PC: variants seen among roughly 807,000 people sequenced by gnomAD.
PC encodes the protein pyruvate carboxylase, mitochondrial.
Under a neutral mutation model 107.8 loss-of-function variants are expected in PC, and 46 were observed. The observed-to-expected ratio is 0.43, with a 90% CI of 0.34 to 0.55. PC has a LOEUF of 0.55. Among genes scored for constraint, PC ranks in the 20% least tolerant of loss-of-function variants. The pLI, the probability that PC is intolerant of heterozygous loss-of-function variation, is 0.04. For missense variants in PC, 1,241 were observed against 1,643.1 expected (o/e 0.76, Z 4.23); for synonymous variants, 662 against 684.7 (o/e 0.97, Z 0.52).
At chr11:66,880,507 G>A (rs1032801272) in intron 3 of PC, among the ~76,000 whole-genome samples, 2 of 152,162 alleles carry the variant, frequency 1.3e-5, no homozygotes, top group East Asian at 1.9e-4. Flanking sequence ...GGTGGGAGAC[G>A]GCCTTCCTGA....
At chr11:66,922,427 A>G (rs1383571594) in intron 3 of PC, among the ~76,000 whole-genome samples, 1 of 151,914 alleles carries the variant, frequency 6.6e-6, no homozygotes, top group Non-Finnish European at 1.5e-5. Flanking sequence ...ATACAAAATT[A>G]GCTGGGCGTG....
chr11:66,870,705 G>C lies in PC; in HGVS notation c.751+70C>G, dbSNP rs1001489413. On this transcript the variant is annotated intron_variant, in intron 8 of 22. Transcript: ENST00000393960. The surrounding 1 kb of genome is among the most constrained non-coding windows in gnomAD (Gnocchi z 6.1). ...GGCTGTCCCCAAGGCCAGCCACTGT[G>C]ACGGCACCAGGACTGGGCCTCTCAG... 13 of 1,445,066 alleles carry C rather than the reference G, an allele frequency of 9.0e-6. No homozygotes were observed. In the African/African-American group the frequency reaches 1.3e-4, roughly 14 times the overall value. 89.5% of individuals were successfully genotyped at this position (1,445,066 alleles called of 1,614,324 possible). A position where few individuals can be genotyped will look rare whatever the true frequency, so the allele number is the denominator to read the frequency against.
At chr11:66,884,106 T>C (rs1947276567) in intron 3 of PC, among the ~76,000 whole-genome samples, 1 of 152,010 alleles carries the variant, frequency 6.6e-6, no homozygotes, top group South Asian at 2.1e-4. Context: ...TAGCCGGGCA[T>C]GGTGGCACAC....
intron 12 of PC, among the ~76,000 whole-genome samples, chr11:66,861,290 C>T (rs529858071): frequency 2.6e-5 from 4 of 152,314 alleles, no homozygotes; most frequent in South Asian, 2.1e-4. Context: ...CATGGGCAGA[C>T]GTGGCCCTCA....
chr11:66,863,736 G>A (rs1227560343), intron 12 of PC, 38 bp downstream of exon 12: 6 of 1,586,942 alleles, frequency 3.8e-6, no homozygotes, highest in Admixed American at 1.7e-5. Flanking sequence ...CCCTCCAAGG[G>A]CCGGGAGCAA....
chr11:66,948,806 C>T (rs114532031), intron 3 of PC, among the ~76,000 whole-genome samples: 2,069 of 152,064 alleles, frequency 0.014, 43 homozygotes, highest in African/African-American at 0.047. Context: ...TGCCACTGTA[C>T]TCCAGCCTGA....
intron 1 of PC, among the ~76,000 whole-genome samples, chr11:66,955,459 G>C (rs1420793305): frequency 6.6e-6 from 1 of 152,182 alleles, no homozygotes; most frequent in Non-Finnish European, 1.5e-5. Flanking sequence ...TGGAGGTGAG[G>C]ACTGGCACAG....
chr11:66,939,741 T>C (rs766423289), intron 3 of PC, among the ~76,000 whole-genome samples: 36 of 135,750 alleles, frequency 2.7e-4, no homozygotes, highest in Non-Finnish European at 4.6e-4. Flanking sequence ...GAGGCAGAGG[T>C]TGCAGCAAGC....
chr11:66,937,799 C>T (rs1949037268), intron 3 of PC, among the ~76,000 whole-genome samples: 1 of 144,126 alleles, frequency 6.9e-6, no homozygotes. Context: ...TTTTTTGAGA[C>T]TGAGTCTTGC....
intron 3 of PC, chr11:66,908,007 C>T (rs1013446103): frequency 6.6e-6 from 1 of 152,286 alleles, no homozygotes. Flanking sequence ...CAATCTCTGG[C>T]TTAGGGGTGG....
chr11:66,926,225 A>G (rs948556390), intron 3 of PC, among the ~76,000 whole-genome samples: 6 of 152,252 alleles, frequency 3.9e-5, no homozygotes, highest in African/African-American at 1.4e-4. Context: ...CCACTTACAA[A>G]TATAAAATGT....
intron 12 of PC, among the ~76,000 whole-genome samples, chr11:66,855,180 G>C (rs1418925557): frequency 6.6e-6 from 1 of 152,202 alleles, no homozygotes; most frequent in Non-Finnish European, 1.5e-5. Context: ...TCTCCCCTTT[G>C]TGACTGTCGG....
rs1363258498 is a variant in PC, at chr11:66,880,648, C to G, written c.1-8489G>C. Among the ~76,000 whole-genome samples, 5 of 152,260 alleles carry G rather than the reference C, an allele frequency of 3.3e-5. 1 individual carries two copies. The highest frequency in any genetic ancestry group is 7.3e-5 in the Non-Finnish European group (5 of 68,044). On this transcript the variant is annotated intron_variant, in intron 3 of 22. Coordinates refer to ENST00000393960, the MANE Select transcript of PC (RefSeq NM_001040716.2). Reference sequence around the variant, plus strand: ...CACATTCCCAGCAAGTGCCACCAGTCTGCAGCCCTTCTGGCTGGCACCATT... The same window carrying G: ...CACATTCCCAGCAAGTGCCACCAGTGTGCAGCCCTTCTGGCTGGCACCATT...
chr11:66,917,472 G>A lies in PC; in HGVS notation c.-1+34958C>T, dbSNP rs536173403. Among the ~76,000 whole-genome samples, 42 of 152,108 alleles carry A rather than the reference G, an allele frequency of 2.8e-4. 1 individual carries two copies. Among genetic ancestry groups the A allele is most frequent in the Non-Finnish European group, 3.8e-4 (26 of 68,020 alleles). ...ATCACCCTTCACTTTTTCCTACCTA[G>A]GATGGAGTTCAAGAGCATAGAGAAT... On this transcript the variant is annotated intron_variant, in intron 3 of 22. Transcript: ENST00000393960.
At chr11:66,941,078 TAAA>T (rs56790474) in intron 3 of PC, among the ~76,000 whole-genome samples, 2 of 83,872 alleles carry the variant, frequency 2.4e-5, no homozygotes, top group African/African-American at 4.1e-5. Context: ...AGACTCCATC[TAAA>T]AAAAAAAAAA....
intron 3 of PC, among the ~76,000 whole-genome samples, chr11:66,902,487 T>C (rs375132679): frequency 6.6e-6 from 1 of 152,198 alleles, no homozygotes; most frequent in Non-Finnish European, 1.5e-5. Flanking sequence ...AGCTTGCCTA[T>C]GGTCTCAGAG....
Position 66,849,667 on chromosome 11 carries a change from C to T in PC, c.3091G>A (p.Asp1031Asn). The T allele has an allele frequency of 6.2e-7, 1 of 1,614,190 alleles. No individual in the cohort carries two copies. The highest frequency in any genetic ancestry group is 8.5e-7 in the Non-Finnish European group (1 of 1,180,036). The stretch of plus-strand genomic sequence containing the variant: ...AGGAAGAGGCGAGTATTCAGGCTAT[C>T]CAGGGGGCCAAAGGTGGCAGTGAAG... ...KDFTATFGPL[D>N]SLNTRLFLQG... Residue 1031 changes from aspartate to asparagine, a missense_variant, in exon 21 of 23, where the codon GAT becomes AAT. Asp to Asn is a conservative substitution (Grantham distance 23). Coordinates refer to ENST00000393960, the MANE Select transcript of PC (RefSeq NM_001040716.2).
chr11:66,862,858 C>A, intron 12 of PC, among the ~76,000 whole-genome samples: 1 of 152,240 alleles, frequency 6.6e-6, no homozygotes, highest in Admixed American at 6.5e-5. Context: ...GGTTGCCTCC[C>A]AAGCCTCCTG....
chr11:66,918,390 CT>C (rs769659124), intron 3 of PC, among the ~76,000 whole-genome samples: 853 of 140,894 alleles, frequency 6.1e-3, no homozygotes, highest in South Asian at 0.015. Flanking sequence ...ACAAAATCTA[CT>C]TTTTTTTTTT....
Sources: allele counts gnomAD v4.1 joint callset (sites outside exome capture counted in the v4.1 genomes callset), GRCh38; gene constraint gnomAD v4.1.1; non-coding constraint Gnocchi (gnomAD v3.1); transcripts MANE v1.5; gene names NCBI Gene and HGNC (gene_info 2026-07-23, HGNC 2026-07-21).